The following NGF variants were observed in gnomAD, a reference collection of about 807,000 sequenced individuals.
The protein encoded by NGF is beta-nerve growth factor.
A neutral mutation model predicts 12.8 loss-of-function variants in NGF; 4 were observed. The observed-to-expected ratio is 0.31, with a 90% CI of 0.15 to 0.72. The LOEUF (loss-of-function observed/expected upper bound fraction) is 0.72, where lower values mean the gene tolerates loss of function less well. Ranked by LOEUF, NGF falls within the 30% of genes least tolerant of loss-of-function variation. The probability of loss-of-function intolerance (pLI) is 0.69; values close to 1 mark genes in which losing one functional copy is unlikely to be tolerated. For missense variants in NGF, 283 were observed against 330.8 expected (o/e 0.86, Z 1.12); for synonymous variants, 140 against 130.0 (o/e 1.08, Z -0.52).
rs77438045 is a variant in NGF at position 115,331,829 on chromosome 1, T to G, written c.-137+6375A>C. Among the ~76,000 whole-genome samples, 422 of 152,344 alleles carry G rather than the reference T, an allele frequency of 2.8e-3. 2 individuals are homozygous for G. The highest frequency in any genetic ancestry group is 9.4e-3 in the African/African-American group (390 of 41,582). The stretch of plus-strand genomic sequence containing the variant: ...TTGGGGCAGGATCATGATTTATATT[T>G]ATTTTGAGTCCCCAGAGTGCCCAGT... On this transcript the variant is annotated intron_variant, in intron 1 of 2. Transcript: ENST00000369512.
At chr1:115,296,697 T>G (rs1653880758) in intron 1 of NGF, among the ~76,000 whole-genome samples, 1 of 152,250 alleles carries the variant, frequency 6.6e-6, no homozygotes, top group South Asian at 2.1e-4. Flanking sequence ...AGCAGTTTAC[T>G]ACTGCAGAGA....
At chr1:115,328,561 A>G (rs1372637741) in intron 1 of NGF, among the ~76,000 whole-genome samples, 1 of 152,208 alleles carries the variant, frequency 6.6e-6, no homozygotes, top group Non-Finnish European at 1.5e-5. Flanking sequence ...CTCAGGAGAA[A>G]ATGTTAGACT....
chr1:115,332,617 C>T (rs776852938), intron 1 of NGF, among the ~76,000 whole-genome samples: 1 of 152,172 alleles, frequency 6.6e-6, no homozygotes, highest in Non-Finnish European at 1.5e-5. Flanking sequence ...CCCCTCATGC[C>T]AGGCCTGTGC....
intron 1 of NGF, among the ~76,000 whole-genome samples, chr1:115,337,776 C>G (rs555856020): frequency 2.6e-5 from 4 of 152,164 alleles, no homozygotes; most frequent in South Asian, 2.1e-4. Context: ...GCGCTCCCCC[C>G]GCGGTGCTGG....
Position 115,327,708 on chromosome 1 carries a change from T to C in NGF, c.-137+10496A>G, listed in dbSNP as rs528694865. ...CAAAAAAAGTAAGTCAGCCTTTGCTTTTTCCTTTAAAAACAGGTGCAACAG... is the reference window on the plus strand; with the variant it reads ...CAAAAAAAGTAAGTCAGCCTTTGCTCTTTCCTTTAAAAACAGGTGCAACAG... On this transcript the variant is annotated intron_variant, in intron 1 of 2. Transcript: ENST00000369512. Among the ~76,000 whole-genome samples the C allele has an allele frequency of 1.2e-4, 18 of 152,310 alleles. No homozygotes were observed. In the South Asian group the frequency reaches 3.5e-3, roughly 30 times the overall value.
At chr1:115,329,229 C>G (rs1393825778) in intron 1 of NGF, among the ~76,000 whole-genome samples, 1 of 151,744 alleles carries the variant, frequency 6.6e-6, no homozygotes, top group African/African-American at 2.4e-5. Context: ...GTGGCAGGCA[C>G]AGAACTTCAT....
At chr1:115,287,012 A>T (rs1653533420) in intron 2 of NGF, among the ~76,000 whole-genome samples, 1 of 152,082 alleles carries the variant, frequency 6.6e-6, no homozygotes, top group Non-Finnish European at 1.5e-5. Context: ...GGCAGTATGG[A>T]TGTGTGGTCA....
intron 1 of NGF, among the ~76,000 whole-genome samples, chr1:115,321,252 C>T (rs1654615422): frequency 6.6e-6 from 1 of 152,122 alleles, no homozygotes; most frequent in African/African-American, 2.4e-5. Context: ...ACTGTTGTAT[C>T]ACCAGTGGCT....
At chr1:115,325,524 A>G (rs1299924962) in intron 1 of NGF, among the ~76,000 whole-genome samples, 1 of 152,190 alleles carries the variant, frequency 6.6e-6, no homozygotes, top group Non-Finnish European at 1.5e-5. Context: ...CCCTAGGAGA[A>G]AAATCACCTT....
chr1:115,326,074 T>C (rs1654763861), intron 1 of NGF, among the ~76,000 whole-genome samples: 1 of 151,968 alleles, frequency 6.6e-6, no homozygotes, highest in Admixed American at 6.5e-5. Context: ...AGCTCATGCC[T>C]GGGGAGGATG....
intron 1 of NGF, among the ~76,000 whole-genome samples, chr1:115,306,823 G>A (rs1654215642): frequency 1.3e-5 from 2 of 152,188 alleles, no homozygotes; most frequent in African/African-American, 4.8e-5. Flanking sequence ...GTGAACAATG[G>A]CTGTCACCTA....
At chr1:115,315,088 C>T (rs1414274874) in intron 1 of NGF, among the ~76,000 whole-genome samples, 1 of 152,058 alleles carries the variant, frequency 6.6e-6, no homozygotes, top group African/African-American at 2.4e-5. Context: ...GCAAACCTGC[C>T]CCTGTGGCTG....
At chr1:115,335,429 C>G (rs756697577) in intron 1 of NGF, among the ~76,000 whole-genome samples, 6 of 152,202 alleles carry the variant, frequency 3.9e-5, no homozygotes, top group Non-Finnish European at 4.4e-5. Context: ...CAAAATGGTC[C>G]ACCACAGAAG....
rs564028033 is a variant in NGF at position 115,296,348 on chromosome 1, G to C, written c.-136-2598C>G. ...AAAGCCTCCGCTTTTAATCAGTGGAGCAACCAGAGAAGTAATAGTGACTTT... is the reference window on the plus strand; with the variant it reads ...AAAGCCTCCGCTTTTAATCAGTGGACCAACCAGAGAAGTAATAGTGACTTT... On this transcript the variant is annotated intron_variant, in intron 1 of 2. Coordinates refer to ENST00000369512, the MANE Select transcript of NGF (RefSeq NM_002506.3). 2.6e-5 allele frequency among the ~76,000 whole-genome samples: 4 copies of C among 152,328 alleles called. No homozygotes were observed. The South Asian group carries it at 6.2e-4, about 24-fold the overall frequency.
rs1655140193 is a variant in NGF, at chr1:115,337,261, GTTTTTGTTT to G, written c.-137+934_-137+942del. ...AGAATCTCGAAATTTTTTTTGTTTT[GTTTTTGTTT>G]TTTTTTTTTTTTTTTTTTTTTTTTT... On this transcript the variant is annotated intron_variant, in intron 1 of 2. Coordinates refer to ENST00000369512, the MANE Select transcript of NGF (RefSeq NM_002506.3). 7.0e-3 allele frequency among the ~76,000 whole-genome samples: 82 copies of G among 11,736 alleles called. 1 individual carries two copies. Among genetic ancestry groups the G allele is most frequent in the Admixed American group, 0.012 (12 of 1,002 alleles). The allele number at this position is 11,736 out of a possible 152,430, so 7.7% of individuals were successfully genotyped here.
chr1:115,309,215 C>T (rs76660482), intron 1 of NGF, among the ~76,000 whole-genome samples: 6,366 of 152,190 alleles, frequency 0.042, 375 homozygotes, highest in African/African-American at 0.11. Context: ...AGTCTAGTAC[C>T]TGCTTATTTA....
intron 2 of NGF, among the ~76,000 whole-genome samples, chr1:115,290,044 G>A (rs1653634812): frequency 6.6e-6 from 1 of 152,104 alleles, no homozygotes; most frequent in African/African-American, 2.4e-5. Flanking sequence ...CTTAAAGCCT[G>A]CTCTGATCAT....
intron 1 of NGF, among the ~76,000 whole-genome samples, chr1:115,317,592 G>A (rs1237176595): frequency 6.6e-6 from 1 of 152,228 alleles, no homozygotes; most frequent in South Asian, 2.1e-4. Context: ...CAATGCCACT[G>A]TGTTTGTCAC....
chr1:115,337,182 T>A (rs950902294), intron 1 of NGF, among the ~76,000 whole-genome samples: 4 of 151,048 alleles, frequency 2.6e-5, no homozygotes, highest in Admixed American at 6.6e-5. Flanking sequence ...GGCTCTTTTT[T>A]AATCTCTCAA....
Sources: allele counts gnomAD v4.1 joint callset (sites outside exome capture counted in the v4.1 genomes callset), GRCh38; gene constraint gnomAD v4.1.1; transcripts MANE v1.5; gene names NCBI Gene and HGNC (gene_info 2026-07-23, HGNC 2026-07-21).